Variants in ZAP70 observed in about 807,000 individuals in gnomAD.
ZAP70 encodes the protein tyrosine-protein kinase ZAP-70.
Under a neutral mutation model 65.8 loss-of-function variants are expected in ZAP70, and 27 were observed. The observed-to-expected ratio is 0.41, with a 90% CI of 0.30 to 0.57. The LOEUF (loss-of-function observed/expected upper bound fraction) is 0.57, where lower values mean the gene tolerates loss of function less well. ZAP70 is among the 20% of genes least tolerant of loss of function. The pLI is 0.28. For synonymous variants in ZAP70, 363 were observed against 360.8 expected, an observed-to-expected ratio of 1.01 and a Z score of -0.07; for missense variants, 696 against 870.5, an observed-to-expected ratio of 0.80 and a Z score of 2.52.
chr2:97,724,566 G>A lies in ZAP70; in HGVS notation c.402+128G>A, dbSNP rs549714930. On this transcript the variant is annotated intron_variant, in intron 3 of 13. Coordinates refer to ENST00000264972, the MANE Select transcript of ZAP70 (RefSeq NM_001079.4). The stretch of plus-strand genomic sequence containing the variant: ...TTCAGTCCCCTTTGGAAGCTGGAGA[G>A]GTGGGGCACTGGTTGGGGAAGAACC... 39 of 1,533,984 alleles carry A rather than the reference G, an allele frequency of 2.5e-5. No homozygotes were observed. In the East Asian group the frequency reaches 7.3e-4, roughly 29 times the overall value.
At chr2:97,725,341 G>A in intron 4 of ZAP70, 89 bp downstream of exon 4, 1 of 1,514,552 alleles carries the variant, frequency 6.6e-7, no homozygotes, top group East Asian at 2.3e-5. Context: ...GTGTGCAGTT[G>A]GGCCGTAAGG....
In ZAP70 at chr2:97,734,729, C is replaced by G. The variant is rs768157128; in HGVS notation, c.1082+17C>G. ...CATGCGCAAGTATGGCCGCCCCTGC[C>G]GTGGTGGGAGCACCGCCGCCTGGGG... On this transcript the variant is annotated intron_variant, in intron 9 of 13. Coordinates refer to ENST00000264972, the MANE Select transcript of ZAP70 (RefSeq NM_001079.4). 2.5e-6 allele frequency: 4 copies of G among 1,612,714 alleles called. No homozygotes were observed. Among genetic ancestry groups the G allele is most frequent in the South Asian group, 1.1e-5 (1 of 91,052 alleles).
chr2:97,735,840 C>T (rs184826869), intron 10 of ZAP70, among the ~76,000 whole-genome samples: 8 of 152,210 alleles, frequency 5.3e-5, no homozygotes, highest in East Asian at 1.9e-4. Flanking sequence ...GGTGAAACCC[C>T]GTCCTTACTA....
Position 97,737,769 on chromosome 2 carries a change from G to A in ZAP70, c.1495G>A (p.Gly499Arg), listed in dbSNP as rs1677963632. ...DDSYYTARSA[G>R]KWPLKWYAPE... ...TCCCCCTCCCCAGGCCCGCTCAGCAGGGAAGTGGCCGCTCAAGTGGTACGC... is the reference window on the plus strand; with the variant it reads ...TCCCCCTCCCCAGGCCCGCTCAGCAAGGAAGTGGCCGCTCAAGTGGTACGC... The change falls in exon 12 of 14, where the codon GGG (glycine) becomes AGG (arginine). Residue 499 changes from glycine (G) to arginine (R), a missense_variant. Gly to Arg is a moderately radical substitution (Grantham distance 125, BLOSUM62 -2). Around this residue, in one of 3 missense-constraint regions of ZAP70, gnomAD observed 67 missense variants for 151.9 expected, o/e 0.44. Coordinates refer to ENST00000264972, the MANE Select transcript of ZAP70 (RefSeq NM_001079.4). This position sits in a 1 kb window ranked among gnomAD's most constrained non-coding sequence, Gnocchi z 5.0. 6.2e-7 allele frequency: 1 copy of A among 1,614,152 alleles called. No homozygotes were observed. Among genetic ancestry groups the A allele is most frequent in the Non-Finnish European group, 8.5e-7 (1 of 1,180,008 alleles).
At position 97,736,768 on chromosome 2, in the gene ZAP70, G is replaced by T. The variant is rs1033567496; in HGVS notation, c.1290-705G>T. On this transcript the variant is annotated intron_variant, in intron 10 of 13. Transcript: ENST00000264972. The surrounding 1 kb of genome is among the most constrained non-coding windows in gnomAD (Gnocchi z 4.0). ...GCCCTGAGGTGGTCCCGTGCCTCGT[G>T]TGGTGCGGGCAGGGAGGGGATGAGC... Among the ~76,000 whole-genome samples the T allele has an allele frequency of 6.6e-6, 1 of 152,184 alleles. No homozygotes were observed. Among genetic ancestry groups the T allele is most frequent in the Non-Finnish European group, 1.5e-5 (1 of 68,034 alleles).
intron 9 of ZAP70, 62 bp from the exon 10 acceptor site, chr2:97,735,188 G>C: frequency 6.3e-7 from 1 of 1,576,714 alleles, no homozygotes; most frequent in Non-Finnish European, 8.7e-7. Context: ...GTGGGTGGGG[G>C]TGTGGGGCCG....
intron 3 of ZAP70, 87 bp from the exon 4 acceptor site, chr2:97,725,005 A>T: frequency 1.3e-6 from 2 of 1,586,200 alleles, no homozygotes; most frequent in African/African-American, 1.3e-5. Flanking sequence ...TGGGGTGGGG[A>T]GTCCTCTGGG....
intron 8 of ZAP70, 194 bp from the exon 9 acceptor site, chr2:97,734,326 C>T: frequency 1.4e-6 from 2 of 1,414,258 alleles, no homozygotes; most frequent in Admixed American, 2.9e-5. Context: ...CTTCATGGGG[C>T]ACCCACAGCT....
rs1184094042 is a variant in ZAP70, at chr2:97,714,603, C to T, written c.-22+609C>T. Among the ~76,000 whole-genome samples, 4 of 152,124 alleles carry T rather than the reference C, an allele frequency of 2.6e-5. No individual in the cohort carries two copies. In the East Asian group the frequency reaches 5.8e-4, roughly 22 times the overall value. On this transcript the variant is annotated intron_variant, in intron 2 of 13. Coordinates refer to ENST00000264972, the MANE Select transcript of ZAP70 (RefSeq NM_001079.4). ...CAGGCGCCTGGTTCCTGACTGTTGG[C>T]GAGAGGCTGGGAAATGTGTCCCAGG... is the stretch of plus-strand genomic sequence containing the variant.
At position 97,734,585 on chromosome 2, in the gene ZAP70, T is replaced by C. The variant is rs1559327119; in HGVS notation, c.955T>C (p.Tyr319His). The C allele has an allele frequency of 2.5e-6, 4 of 1,614,072 alleles. No homozygotes were observed. The highest frequency in any genetic ancestry group is 3.4e-6 in the Non-Finnish European group (4 of 1,180,038). ...PMDTSVYESP[Y>H]SDPEELKDKK... ...GGACACGAGCGTGTATGAGAGCCCCTACAGCGACCCAGAGGAGCTCAAGGA... is the reference window on the plus strand; with the variant it reads ...GGACACGAGCGTGTATGAGAGCCCCCACAGCGACCCAGAGGAGCTCAAGGA... Residue 319 changes from tyrosine to histidine, a missense_variant, in exon 9 of 14, where the codon TAC becomes CAC. This residue lies in a region of ZAP70 where 551 missense variants were observed against 630.0 expected (regional missense o/e 0.87). Coordinates refer to ENST00000264972, the MANE Select transcript of ZAP70 (RefSeq NM_001079.4).
At chr2:97,717,039 A>T (rs1573247920) in intron 2 of ZAP70, among the ~76,000 whole-genome samples, 1 of 152,248 alleles carries the variant, frequency 6.6e-6, no homozygotes. Flanking sequence ...GCCTGCAGCC[A>T]TGGCTAACTG....
intron 4 of ZAP70, among the ~76,000 whole-genome samples, chr2:97,729,008 C>A (rs1027055948): frequency 6.6e-6 from 1 of 152,248 alleles, no homozygotes; most frequent in African/African-American, 2.4e-5. Context: ...CCGCCTTGGC[C>A]TCCCAAATTG....
intron 2 of ZAP70, 110 bp from the exon 3 acceptor site, chr2:97,723,906 A>T: frequency 7.9e-7 from 1 of 1,266,270 alleles, no homozygotes. Flanking sequence ...TGGCGAGCTC[A>T]GTCTGCGGCA....
rs777825759 is a variant in ZAP70, at chr2:97,737,747, C to G, written c.1483-10C>G. The G allele has an allele frequency of 6.2e-7, 1 of 1,614,016 alleles. No individual in the cohort carries two copies. The highest frequency in any genetic ancestry group is 8.5e-7 in the Non-Finnish European group (1 of 1,180,002). On this transcript the variant is annotated splice_polypyrimidine_tract_variant and intron_variant, in intron 11 of 13. Transcript: ENST00000264972. The surrounding 1 kb of genome is among the most constrained non-coding windows in gnomAD (Gnocchi z 5.0). ...TGACCCCTGATCCAGCAGCATCTCC[C>G]CCTCCCCAGGCCCGCTCAGCAGGGA...
chr2:97,749,680 C>A, the ZAP70 span, among the ~76,000 whole-genome samples: 1 of 152,224 alleles, frequency 6.6e-6, no homozygotes, highest in Non-Finnish European at 1.5e-5. Flanking sequence ...GATGCAGCCT[C>A]CTCTCCCTGC....
At chr2:97,749,684 T>C in the ZAP70 span, among the ~76,000 whole-genome samples, 1 of 152,200 alleles carries the variant, frequency 6.6e-6, no homozygotes, top group Non-Finnish European at 1.5e-5. Context: ...CAGCCTCCTC[T>C]CCCTGCTGCA....
At chr2:97,719,828 T>G (rs1363782189) in intron 2 of ZAP70, among the ~76,000 whole-genome samples, 1 of 152,112 alleles carries the variant, frequency 6.6e-6, no homozygotes, top group East Asian at 1.9e-4. Context: ...TACAGACTAT[T>G]CCCCCAAATT....
intron 10 of ZAP70, among the ~76,000 whole-genome samples, 153 bp downstream of exon 10, chr2:97,735,609 C>G (rs911756022): frequency 1.3e-5 from 2 of 152,262 alleles, no homozygotes; most frequent in African/African-American, 4.8e-5. Context: ...CACACCCATA[C>G]CCATGCCTGC....
rs200679935 is a variant in ZAP70 at position 97,734,570 on chromosome 2, G to A, written c.940G>A (p.Val314Met). 19 of 1,614,064 alleles carry A rather than the reference G, an allele frequency of 1.2e-5. No individual in the cohort carries two copies. Among genetic ancestry groups the A allele is most frequent in the Non-Finnish European group, 1.4e-5 (17 of 1,180,040 alleles). The change falls in exon 9 of 14, where the codon GTG becomes ATG. Residue 314 changes from valine to methionine, a missense_variant. Physicochemically the swap from Val to Met is conservative, Grantham distance 21. Transcript: ENST00000264972. Reference protein sequence around the residue: ...KPRPMPMDTSVYESPYSDPEE... With the variant: ...KPRPMPMDTSMYESPYSDPEE... Reference sequence around the variant, plus strand: ...GCGGCCGATGCCCATGGACACGAGCGTGTATGAGAGCCCCTACAGCGACCC... The same window carrying A: ...GCGGCCGATGCCCATGGACACGAGCATGTATGAGAGCCCCTACAGCGACCC...
Sources: gnomAD v4.1 joint callset for allele counts (sites outside exome capture counted in the v4.1 genomes callset) on GRCh38, gnomAD v4.1.1 for gene constraint, gnomAD v4.1.1 regional missense constraint, Gnocchi (gnomAD v3.1) non-coding constraint, MANE v1.5 for transcripts, NCBI Gene and HGNC (gene_info 2026-07-23, HGNC 2026-07-21) for gene names.